The following MACROD2 variants were observed in gnomAD, a reference collection of about 807,000 sequenced individuals.
The protein encoded by MACROD2 is mono-ADP ribosylhydrolase 2.
A neutral mutation model predicts 70.4 loss-of-function variants in MACROD2; 36 were observed. The ratio of observed to expected loss-of-function variants is 0.51; its 90% confidence interval spans 0.39 to 0.68. MACROD2 has a LOEUF of 0.68. Among genes scored for constraint, MACROD2 ranks in the 30% least tolerant of loss-of-function variants. The pLI is 0.00. For missense variants in MACROD2, 496 were observed against 538.4 expected (o/e 0.92, Z 0.78); for synonymous variants, 172 against 178.8 (o/e 0.96, Z 0.30).
At chr20:14,378,286 C>A (rs2083391631) in intron 3 of MACROD2, among the ~76,000 whole-genome samples, 1 of 152,166 alleles carries the variant, frequency 6.6e-6, no homozygotes, top group African/African-American at 2.4e-5. Context: ...GTAGAGCATT[C>A]ATTTCCTAAC....
At chr20:14,391,646 A>G (rs1184123158) in intron 3 of MACROD2, among the ~76,000 whole-genome samples, 1 of 151,694 alleles carries the variant, frequency 6.6e-6, no homozygotes, top group African/African-American at 2.4e-5. Context: ...TTAGCCTTCT[A>G]TAAGAGATCT....
intron 2 of MACROD2, 88 bp downstream of exon 2, chr20:14,002,492 G>A: frequency 1.4e-6 from 1 of 737,320 alleles, no homozygotes; most frequent in Non-Finnish European, 2.3e-6. Context: ...GTTCAATAAA[G>A]AGATTACTAT....
rs1194944987 is a variant in MACROD2 at position 15,021,173 on chromosome 20, CAT to C, written c.419-208765_419-208764del. ...ACACACACCTGTGTGTATGTATACA[CAT>C]ACAGGTGTGCGTATACACACACCTG... On this transcript the variant is annotated intron_variant, in intron 5 of 17. Transcript: ENST00000684519. Among the ~76,000 whole-genome samples the C allele has an allele frequency of 2.4e-5, 3 of 123,590 alleles. 1 individual carries two copies. Among genetic ancestry groups the C allele is most frequent in the African/African-American group, 9.5e-5 (3 of 31,576 alleles). The allele number at this position is 123,590 out of a possible 152,430, so 81.1% of individuals were successfully genotyped here. A position where few individuals can be genotyped will look rare whatever the true frequency, so the allele number is the denominator to read the frequency against.
chr20:14,970,660 G>T (rs2074682394), intron 5 of MACROD2, among the ~76,000 whole-genome samples: 1 of 151,584 alleles, frequency 6.6e-6, no homozygotes, highest in Non-Finnish European at 1.5e-5. Context: ...GTCATTCATT[G>T]ATTTAAGAGA....
chr20:15,645,798 C>T (rs1056108019), intron 8 of MACROD2, among the ~76,000 whole-genome samples: 1 of 152,120 alleles, frequency 6.6e-6, no homozygotes, highest in Non-Finnish European at 1.5e-5. Context: ...ATGGCTAGGC[C>T]TTTATTTTTA....
At chr20:14,578,772 G>A (rs958548378) in intron 4 of MACROD2, among the ~76,000 whole-genome samples, 1 of 152,152 alleles carries the variant, frequency 6.6e-6, no homozygotes, top group African/African-American at 2.4e-5. Flanking sequence ...ATCGGGGAAG[G>A]TAAATTCACC....
Position 14,326,897 on chromosome 20 carries a change from G to A in MACROD2, c.272-166582G>A. ...TTCAACAGGTTTCCATCTAGAACCA[G>A]GCGTTTTAGACTAGTGAGACCTTGA... is the stretch of plus-strand genomic sequence containing the variant. On this transcript the variant is annotated intron_variant, in intron 3 of 17. Transcript: ENST00000684519. The surrounding 1 kb of genome is among the most constrained non-coding windows in gnomAD (Gnocchi z 5.5). The A allele has an allele frequency of 6.2e-7, 1 of 1,613,766 alleles. No homozygotes were observed. Among genetic ancestry groups the A allele is most frequent in the Non-Finnish European group, 8.5e-7 (1 of 1,179,814 alleles).
At chr20:15,289,913 G>C (rs965254097) in intron 6 of MACROD2, among the ~76,000 whole-genome samples, 86 of 152,156 alleles carry the variant, frequency 5.7e-4, no homozygotes, top group African/African-American at 2.1e-3. Context: ...TTCACAAAGA[G>C]TAACACATTT....
intron 5 of MACROD2, among the ~76,000 whole-genome samples, chr20:15,196,576 C>T (rs1240335695): frequency 6.6e-6 from 1 of 152,158 alleles, no homozygotes; most frequent in Admixed American, 6.5e-5. Flanking sequence ...TATGGGTTAA[C>T]GTCTGCATTC....
intron 3 of MACROD2, among the ~76,000 whole-genome samples, chr20:14,261,605 C>T (rs946030285): frequency 6.6e-6 from 1 of 152,100 alleles, no homozygotes; most frequent in Admixed American, 6.6e-5. Flanking sequence ...AACCTATATT[C>T]CAGCCATAGT....
chr20:14,040,406 C>A (rs1437490400), intron 2 of MACROD2, among the ~76,000 whole-genome samples: 1 of 152,146 alleles, frequency 6.6e-6, no homozygotes, highest in East Asian at 1.9e-4. Context: ...TTAATCTGTT[C>A]TTTTAAAAAT....
chr20:14,037,662 A>T (rs912378757), intron 2 of MACROD2, among the ~76,000 whole-genome samples: 1 of 152,068 alleles, frequency 6.6e-6, no homozygotes, highest in African/African-American at 2.4e-5. Context: ...GTAGTTAGTA[A>T]CCATGGAGCT....
intron 6 of MACROD2, among the ~76,000 whole-genome samples, chr20:15,419,213 C>T (rs1312560650): frequency 1.3e-5 from 2 of 152,132 alleles, no homozygotes; most frequent in African/African-American, 4.8e-5. Context: ...TGAAGGTCAC[C>T]CTTCAACATT....
At chr20:14,843,608 A>G (rs972091759) in intron 5 of MACROD2, among the ~76,000 whole-genome samples, 1 of 152,018 alleles carries the variant, frequency 6.6e-6, no homozygotes, top group Admixed American at 6.6e-5. Context: ...TTGTTCATGA[A>G]TTTATTTTTA....
chr20:14,373,748 C>T (rs968374969), intron 3 of MACROD2, among the ~76,000 whole-genome samples: 19 of 152,048 alleles, frequency 1.2e-4, no homozygotes, highest in African/African-American at 4.6e-4. Context: ...AATTATGCAG[C>T]GAGAGTACAC....
At chr20:14,950,715 T>A (rs1047923131) in intron 5 of MACROD2, among the ~76,000 whole-genome samples, 1 of 152,180 alleles carries the variant, frequency 6.6e-6, no homozygotes, top group Non-Finnish European at 1.5e-5. Context: ...TTGAAGAGAA[T>A]ACATGAAACT....
At chr20:14,181,455 T>G (rs2081304787) in intron 3 of MACROD2, among the ~76,000 whole-genome samples, 1 of 152,078 alleles carries the variant, frequency 6.6e-6, no homozygotes, top group Non-Finnish European at 1.5e-5. Context: ...GATTATTTTT[T>G]TTGCTTCAGA....
At chr20:14,235,963 A>T (rs1436908197) in intron 3 of MACROD2, among the ~76,000 whole-genome samples, 1 of 152,154 alleles carries the variant, frequency 6.6e-6, no homozygotes, top group African/African-American at 2.4e-5. Context: ...CATACTGCTC[A>T]TGGACTAGTT....
chr20:15,840,761 G>GA (rs1600978965), intron 8 of MACROD2, among the ~76,000 whole-genome samples: 1 of 151,796 alleles, frequency 6.6e-6, no homozygotes, highest in African/African-American at 2.4e-5. Flanking sequence ...AACTCTACTG[G>GA]AAAAAAATGG....
Sources: allele counts gnomAD v4.1 joint callset (sites outside exome capture counted in the v4.1 genomes callset), GRCh38; gene constraint gnomAD v4.1.1; non-coding constraint Gnocchi (gnomAD v3.1); transcripts MANE v1.5; gene names NCBI Gene and HGNC (gene_info 2026-07-23, HGNC 2026-07-21).